Variants in KLHL29 observed in about 807,000 individuals in gnomAD.
KLHL29 encodes the protein kelch like family member 29.
KLHL29 carries 21 observed loss-of-function variants against 80.4 expected under a neutral mutation model. That is an observed-to-expected ratio of 0.26 (90% CI 0.19 to 0.38). The LOEUF is 0.38. Among genes scored for constraint, KLHL29 ranks in the 10% least tolerant of loss-of-function variants. KLHL29 has a pLI of 1.00. For synonymous variants in KLHL29, 511 were observed against 526.8 expected, an observed-to-expected ratio of 0.97 and a Z score of 0.41; for missense variants, 867 against 1,223.9, an observed-to-expected ratio of 0.71 and a Z score of 4.35.
chr2:23,386,513 G>A (rs1381519106), intron 1 of KLHL29, among the ~76,000 whole-genome samples: 3 of 152,192 alleles, frequency 2.0e-5, no homozygotes, highest in Non-Finnish European at 4.4e-5. Flanking sequence ...CACGGGGACG[G>A]CGAAGCGGCC....
At chr2:23,502,654 C>T (rs139548879) in intron 2 of KLHL29, among the ~76,000 whole-genome samples, 2 of 152,360 alleles carry the variant, frequency 1.3e-5, no homozygotes, top group African/African-American at 2.4e-5. Flanking sequence ...TGTCACTAGG[C>T]GCAGGCGGTC....
At chr2:23,549,444 C>A (rs1465959431) in intron 2 of KLHL29, among the ~76,000 whole-genome samples, 1 of 152,010 alleles carries the variant, frequency 6.6e-6, no homozygotes, top group African/African-American at 2.4e-5. Flanking sequence ...AACAGGCTGC[C>A]CTCTGGTCTG....
chr2:23,537,494 G>A (rs897763514), intron 2 of KLHL29, among the ~76,000 whole-genome samples: 3 of 142,622 alleles, frequency 2.1e-5, no homozygotes, highest in Non-Finnish European at 3.2e-5. Context: ...CCAGCAGATC[G>A]GGAGGAGGCA....
In KLHL29 at chr2:23,420,406, G is replaced by A. The variant is rs963292983; in HGVS notation, c.-154+34626G>A. Among the ~76,000 whole-genome samples the A allele has an allele frequency of 5.9e-5, 9 of 152,152 alleles. No homozygotes were observed. In the South Asian group the frequency reaches 1.9e-3, roughly 32 times the overall value. On this transcript the variant is annotated intron_variant, in intron 1 of 13. Coordinates refer to ENST00000486442, the MANE Select transcript of KLHL29 (RefSeq NM_052920.2). The stretch of plus-strand genomic sequence containing the variant: ...TCACTTAAGCTATGTCAAGGAATGG[G>A]GCTTGTTTTACGGGAGGCGGAATCC...
intron 3 of KLHL29, among the ~76,000 whole-genome samples, chr2:23,609,547 G>A (rs944518681): frequency 5.9e-5 from 9 of 152,186 alleles, no homozygotes; most frequent in East Asian, 3.9e-4. Context: ...GTTGTGGAGC[G>A]AGGGAATAGG....
intron 3 of KLHL29, among the ~76,000 whole-genome samples, chr2:23,595,912 G>A (rs1668383125): frequency 6.6e-6 from 1 of 152,200 alleles, no homozygotes; most frequent in African/African-American, 2.4e-5. Flanking sequence ...CTCCCTGTCT[G>A]TAAATCACTC....
At chr2:23,607,862 G>C (rs1323092981) in intron 3 of KLHL29, among the ~76,000 whole-genome samples, 1 of 152,188 alleles carries the variant, frequency 6.6e-6, no homozygotes, top group African/African-American at 2.4e-5. Context: ...CCACAAAAGT[G>C]GTCCCTGCTG....
At chr2:23,624,355 G>C (rs1225465777) in intron 3 of KLHL29, among the ~76,000 whole-genome samples, 1 of 152,164 alleles carries the variant, frequency 6.6e-6, no homozygotes, top group African/African-American at 2.4e-5. Flanking sequence ...CAGGGCTTCA[G>C]CTGCCTTCTT....
intron 2 of KLHL29, among the ~76,000 whole-genome samples, chr2:23,555,126 C>A (rs981720841): frequency 2.7e-5 from 4 of 146,460 alleles, no homozygotes; most frequent in Admixed American, 1.4e-4. Flanking sequence ...GACCTCCCCC[C>A]CCCCCTCAAC....
chr2:23,640,499 G>A (rs554181430), intron 4 of KLHL29, among the ~76,000 whole-genome samples: 1 of 152,132 alleles, frequency 6.6e-6, no homozygotes, highest in Non-Finnish European at 1.5e-5. Context: ...CCTGGAAAGA[G>A]CAGAGCTTGG....
intron 3 of KLHL29, among the ~76,000 whole-genome samples, chr2:23,624,756 T>C (rs1177755281): frequency 6.6e-6 from 1 of 152,208 alleles, no homozygotes; most frequent in Non-Finnish European, 1.5e-5. Context: ...ATCCTTCTTA[T>C]AAAAGGCTAC....
intron 3 of KLHL29, among the ~76,000 whole-genome samples, chr2:23,630,751 G>A (rs566111147): frequency 6.6e-6 from 1 of 152,252 alleles, no homozygotes; most frequent in East Asian, 1.9e-4. Context: ...GCCTCCCAAA[G>A]TACTGAGATT....
At chr2:23,679,674 T>C (rs1323426800) in intron 5 of KLHL29, among the ~76,000 whole-genome samples, 1 of 146,902 alleles carries the variant, frequency 6.8e-6, no homozygotes, top group Non-Finnish European at 1.5e-5. Context: ...GAATAAAACA[T>C]AGTCTAGTGC....
chr2:23,660,356 G>A (rs907204944), intron 5 of KLHL29, among the ~76,000 whole-genome samples: 12 of 152,162 alleles, frequency 7.9e-5, no homozygotes, highest in Admixed American at 7.9e-4. Context: ...GCTCTCACCA[G>A]AGCCAAGGCA....
chr2:23,481,286 C>CGGTTTCATGTAGGCAA (rs1465508637), intron 2 of KLHL29, among the ~76,000 whole-genome samples: 3 of 152,196 alleles, frequency 2.0e-5, no homozygotes, highest in Non-Finnish European at 4.4e-5. Context: ...TTTCTAAATA[C>CGGTTTCATGTAGGCAA]GGTTTCATGT....
Position 23,670,913 on chromosome 2 carries a change from A to G in KLHL29, c.941-13486A>G, listed in dbSNP as rs200490554. On this transcript the variant is annotated intron_variant, in intron 5 of 13. Coordinates refer to ENST00000486442, the MANE Select transcript of KLHL29 (RefSeq NM_052920.2). ...AAGGGAGGGGTCTCTACACACATGCACGCGCTCTCTCTCTCTCTCTCTCTC... is the reference window on the plus strand; with the variant it reads ...AAGGGAGGGGTCTCTACACACATGCGCGCGCTCTCTCTCTCTCTCTCTCTC... Among the ~76,000 whole-genome samples, 129 of 15,410 alleles carry G rather than the reference A, an allele frequency of 8.4e-3. 4 individuals are homozygous for G. The East Asian group carries it at 0.29, about 35-fold the overall frequency. The allele number at this position is 15,410 out of a possible 152,430, so 10.1% of individuals were successfully genotyped here. A position where few individuals can be genotyped will look rare whatever the true frequency, so the allele number is the denominator to read the frequency against.
chr2:23,619,800 C>G (rs937171900), intron 3 of KLHL29, among the ~76,000 whole-genome samples: 3 of 152,226 alleles, frequency 2.0e-5, no homozygotes, highest in Non-Finnish European at 2.9e-5. Flanking sequence ...TTCATCCCAG[C>G]CTGTTAGTGC....
intron 3 of KLHL29, among the ~76,000 whole-genome samples, chr2:23,600,753 G>A (rs958131774): frequency 6.6e-6 from 1 of 152,232 alleles, no homozygotes; most frequent in Non-Finnish European, 1.5e-5. Flanking sequence ...CAGGTTGGGA[G>A]AGGGGAAAAG....
intron 2 of KLHL29, among the ~76,000 whole-genome samples, chr2:23,540,482 CCTCTCCTT>C (rs1666802239): frequency 6.6e-6 from 1 of 152,198 alleles, no homozygotes; most frequent in African/African-American, 2.4e-5. Context: ...ATCTTTCTTT[CCTCTCCTT>C]CTCTCCAAAT....
Sources: allele counts gnomAD v4.1 joint callset (sites outside exome capture counted in the v4.1 genomes callset), GRCh38; gene constraint gnomAD v4.1.1; transcripts MANE v1.5; gene names NCBI Gene and HGNC (gene_info 2026-07-23, HGNC 2026-07-21).